FAM240B: variants seen among roughly 807,000 people sequenced by gnomAD.
FAM240B encodes the protein protein FAM240B.
intron 1 of FAM240B, among the ~76,000 whole-genome samples, chr9:38,709,853 A>G (rs1278293976): frequency 2.0e-5 from 3 of 151,994 alleles, no homozygotes; most frequent in Admixed American, 2.0e-4. Flanking sequence ...TTGTTTATAA[A>G]CTCAATTTCA....
At chr9:38,708,226 C>T (rs1459436763) in intron 1 of FAM240B, among the ~76,000 whole-genome samples, 2 of 152,296 alleles carry the variant, frequency 1.3e-5, no homozygotes, top group East Asian at 1.9e-4. Context: ...TTTCTCGAAA[C>T]CTCCTCCCTG....
At chr9:38,717,462 G>T (rs1564002502) in intron 1 of FAM240B, among the ~76,000 whole-genome samples, 1 of 151,982 alleles carries the variant, frequency 6.6e-6, no homozygotes, top group Non-Finnish European at 1.5e-5. Context: ...TGTAGTAGTG[G>T]TCTCACCCTA....
In FAM240B at chr9:38,717,352, G is replaced by A. The variant is rs1205832574; in HGVS notation, c.-4+2670C>T. The stretch of plus-strand genomic sequence containing the variant: ...TCCCGGCATTTTGGGAGGCCAAGGC[G>A]GGCGGATCACGAGGTCAGGAGATCG... On this transcript the variant is annotated intron_variant, in intron 1 of 2. Coordinates refer to ENST00000637493, the MANE Select transcript of FAM240B (RefSeq NM_001394922.1). Among the ~76,000 whole-genome samples the A allele has an allele frequency of 2.6e-5, 4 of 152,074 alleles. No homozygotes were observed. In the South Asian group the frequency reaches 6.2e-4, roughly 24 times the overall value.
chr9:38,710,276 C>T (rs1260689837), intron 1 of FAM240B, among the ~76,000 whole-genome samples: 1 of 152,164 alleles, frequency 6.6e-6, no homozygotes, highest in Non-Finnish European at 1.5e-5. Flanking sequence ...GCCTTGATGT[C>T]TTTTAAATTC....
At chr9:38,712,935 T>A (rs114797964) in intron 1 of FAM240B, among the ~76,000 whole-genome samples, 29 of 152,256 alleles carry the variant, frequency 1.9e-4, no homozygotes, top group African/African-American at 6.7e-4. Context: ...TAGGGAAAAG[T>A]TCGTGTGCCC....
At chr9:38,699,213 C>T (rs562558326) in intron 2 of FAM240B, among the ~76,000 whole-genome samples, 6 of 152,214 alleles carry the variant, frequency 3.9e-5, no homozygotes, top group South Asian at 2.1e-4. Flanking sequence ...TTGATAAGTC[C>T]GGGGCTTACC....
intron 1 of FAM240B, among the ~76,000 whole-genome samples, chr9:38,707,286 C>T (rs1311561729): frequency 6.6e-6 from 1 of 152,072 alleles, no homozygotes; most frequent in African/African-American, 2.4e-5. Context: ...AAGAGAGGCC[C>T]GTGCAGGAAC....
At chr9:38,711,510 G>A (rs945806380) in intron 1 of FAM240B, among the ~76,000 whole-genome samples, 3 of 152,192 alleles carry the variant, frequency 2.0e-5, no homozygotes, top group Non-Finnish European at 4.4e-5. Flanking sequence ...GCTTCCTCCC[G>A]TTCCTCTTTC....
intron 1 of FAM240B, among the ~76,000 whole-genome samples, chr9:38,714,434 AT>A (rs565200197): frequency 6.0e-4 from 92 of 152,276 alleles, no homozygotes; most frequent in African/African-American, 2.1e-3. Flanking sequence ...ACGATCACAA[AT>A]TGTCTGATAC....
At chr9:38,704,423 A>G (rs990074585) in intron 1 of FAM240B, among the ~76,000 whole-genome samples, 4 of 152,116 alleles carry the variant, frequency 2.6e-5, no homozygotes, top group African/African-American at 9.7e-5. Flanking sequence ...ACGAATATCA[A>G]TTTTTTCATT....
intron 1 of FAM240B, among the ~76,000 whole-genome samples, chr9:38,704,887 C>T (rs562497003): frequency 6.6e-6 from 1 of 152,362 alleles, no homozygotes; most frequent in African/African-American, 2.4e-5. Context: ...GAACCTAGGT[C>T]TGTCCATCTT....
chr9:38,705,662 T>C (rs1258455392), intron 1 of FAM240B: 2 of 152,030 alleles, frequency 1.3e-5, no homozygotes, highest in Non-Finnish European at 2.9e-5. Flanking sequence ...TGGAATAATT[T>C]GTATTTTATT....
Position 38,694,860 on chromosome 9 carries a change from T to C in FAM240B, c.153A>G (p.Glu51=), listed in dbSNP as rs1821049419. 5.0e-6 allele frequency: 2 copies of C among 398,688 alleles called. No individual in the cohort carries two copies. The highest frequency in any genetic ancestry group is 2.5e-4 in the South Asian group (2 of 7,870). The allele number at this position is 398,688 out of a possible 1,614,324, so 24.7% of individuals were successfully genotyped here. The change falls in exon 3 of 3, where the codon GAA becomes GAG. Residue 51 remains glutamate (E), a synonymous_variant. Transcript: ENST00000637493. ...QERSALKKLR[E]EWRQRLERRL... ...TCCTCTCCAGCCTCTGCCTCCATTCTTCTCTGAGTCTGCGGAGGGGAAACC... is the reference window on the plus strand; with the variant it reads ...TCCTCTCCAGCCTCTGCCTCCATTCCTCTCTGAGTCTGCGGAGGGGAAACC...
At chr9:38,695,470 A>T (rs1214848036) in intron 2 of FAM240B, among the ~76,000 whole-genome samples, 1 of 152,222 alleles carries the variant, frequency 6.6e-6, no homozygotes, top group Non-Finnish European at 1.5e-5. Flanking sequence ...GCTTGCAGTG[A>T]GCTGAGATCG....
rs114924188 is a variant in FAM240B, at chr9:38,699,984, A to G, written c.143+3873T>C. Among the ~76,000 whole-genome samples the G allele has an allele frequency of 3.4e-3, 522 of 152,238 alleles. 4 individuals are homozygous for G. Among genetic ancestry groups the G allele is most frequent in the African/African-American group, 0.012 (506 of 41,532 alleles). ...AGCATGCCTTGACAATTGTTTTTTC[A>G]TAGTGGGAAGAGGCGGGCCTGAGTC... On this transcript the variant is annotated intron_variant, in intron 2 of 2. Coordinates refer to ENST00000637493, the MANE Select transcript of FAM240B (RefSeq NM_001394922.1).
intron 1 of FAM240B, among the ~76,000 whole-genome samples, chr9:38,710,061 C>T (rs1418328465): frequency 6.6e-6 from 1 of 152,172 alleles, no homozygotes; most frequent in Admixed American, 6.5e-5. Flanking sequence ...CCTCCGCCTC[C>T]CGGGTTCAAG....
intron 1 of FAM240B, among the ~76,000 whole-genome samples, chr9:38,714,767 G>A (rs1587594611): frequency 6.6e-6 from 1 of 152,212 alleles, no homozygotes; most frequent in South Asian, 2.1e-4. Flanking sequence ...TCAAGGTCAT[G>A]AAAGATAAAG....
At chr9:38,708,943 A>G (rs62567671) in intron 1 of FAM240B, among the ~76,000 whole-genome samples, 21,125 of 152,124 alleles carry the variant, frequency 0.14, 1,625 homozygotes, top group East Asian at 0.22. Flanking sequence ...GTCTTGTCCC[A>G]GACCCAGTGC....
rs965304062 is a variant in FAM240B at position 38,703,970 on chromosome 9, G to T, written c.30C>A (p.Val10=). 2 of 400,232 alleles carry T rather than the reference G, an allele frequency of 5.0e-6. No individual in the cohort carries two copies. Among genetic ancestry groups the T allele is most frequent in the African/African-American group, 2.1e-5 (1 of 48,632 alleles). 24.8% of individuals were successfully genotyped at this position (400,232 alleles called of 1,614,324 possible). MNNQYIRRE[V]FCCGTCHELK... ...GCTCATGACAAGTTCCACAGCAGAA[G>T]ACTTCTCGACGGATGTATTGATTGT... Residue 10 remains valine (V), a synonymous_variant, in exon 2 of 3, where the codon GTC becomes GTA. Transcript: ENST00000637493.
Sources: gnomAD v4.1 joint callset for allele counts (sites outside exome capture counted in the v4.1 genomes callset) on GRCh38, gnomAD v4.1.1 for gene constraint, MANE v1.5 for transcripts, NCBI Gene and HGNC (gene_info 2026-07-23, HGNC 2026-07-21) for gene names.